Variants in RERE observed in about 807,000 individuals in gnomAD.
The protein encoded by RERE is arginine-glutamic acid dipeptide repeats, also known as arginine-glutamic acid dipeptide repeats protein.
In RERE, 40 loss-of-function variants were observed where a neutral mutation model predicts 146.1. The ratio of observed to expected loss-of-function variants is 0.27; its 90% CI spans 0.21 to 0.36. The LOEUF is 0.36. Ranked by LOEUF, RERE falls within the 10% of genes least tolerant of loss-of-function variation. The pLI is 1.00. For synonymous variants in RERE, 1,003 were observed against 866.0 expected (o/e 1.16, Z -2.78); for missense variants, 1,933 against 2,138.7 (o/e 0.90, Z 1.90).
At chr1:8,679,409 TATC>T (rs903572893) in intron 1 of RERE, among the ~76,000 whole-genome samples, 1 of 152,224 alleles carries the variant, frequency 6.6e-6, no homozygotes, top group African/African-American at 2.4e-5. Flanking sequence ...TACCTTTATC[TATC>T]ATAGTCACAT....
At chr1:8,735,029 T>C (rs1425912960) in intron 1 of RERE, among the ~76,000 whole-genome samples, 1 of 152,238 alleles carries the variant, frequency 6.6e-6, no homozygotes, top group Admixed American at 6.5e-5. Flanking sequence ...ATACTTATTG[T>C]GTCAAGTACT....
chr1:8,665,810 T>C (rs1638558608), intron 1 of RERE, among the ~76,000 whole-genome samples: 1 of 152,092 alleles, frequency 6.6e-6, no homozygotes, highest in Admixed American at 6.5e-5. Context: ...AAGGTGACAA[T>C]GTAATTTATG....
intron 11 of RERE, chr1:8,424,877 G>C (rs1290732873): frequency 6.5e-6 from 1 of 152,696 alleles, no homozygotes; most frequent in Non-Finnish European, 1.5e-5. Flanking sequence ...AAGTCAGCCA[G>C]GAAAAGGCAC....
At chr1:8,421,175 G>C (rs901683831) in intron 12 of RERE, among the ~76,000 whole-genome samples, 1 of 152,220 alleles carries the variant, frequency 6.6e-6, no homozygotes, top group East Asian at 1.9e-4. Flanking sequence ...ACTTTTAGCA[G>C]AGCAGAGACA....
At chr1:8,420,726 G>C (rs1643898995) in intron 12 of RERE, among the ~76,000 whole-genome samples, 1 of 152,164 alleles carries the variant, frequency 6.6e-6, no homozygotes, top group African/African-American at 2.4e-5. Flanking sequence ...TTGGAAATAG[G>C]AAAACTGCTG....
chr1:8,460,313 G>A (rs1644510081), intron 11 of RERE, among the ~76,000 whole-genome samples: 1 of 152,194 alleles, frequency 6.6e-6, no homozygotes, highest in Non-Finnish European at 1.5e-5. Flanking sequence ...GCTGGGGAAA[G>A]ACACCCTGCA....
At chr1:8,615,836 T>C (rs1211651910) in intron 3 of RERE, among the ~76,000 whole-genome samples, 1 of 152,108 alleles carries the variant, frequency 6.6e-6, no homozygotes, top group Non-Finnish European at 1.5e-5. Context: ...AATAAGCTAA[T>C]GTTCAGAATG....
chr1:8,472,351 G>A (rs145945765), intron 10 of RERE, among the ~76,000 whole-genome samples: 4 of 152,196 alleles, frequency 2.6e-5, no homozygotes, highest in Non-Finnish European at 5.9e-5. Context: ...ACCTGATCAC[G>A]ACCACACAGC....
At chr1:8,439,544 A>G (rs1644217905) in intron 11 of RERE, among the ~76,000 whole-genome samples, 1 of 152,234 alleles carries the variant, frequency 6.6e-6, no homozygotes, top group African/African-American at 2.4e-5. Context: ...ACTTAGTAAT[A>G]AAACCAAGAA....
At chr1:8,626,249 A>G (rs968729698) in intron 2 of RERE, among the ~76,000 whole-genome samples, 4 of 152,204 alleles carry the variant, frequency 2.6e-5, no homozygotes, top group Admixed American at 1.3e-4. Flanking sequence ...GGAACAACCC[A>G]AAGTTCTTAG....
chr1:8,478,069 A>C (rs906033075), intron 10 of RERE, among the ~76,000 whole-genome samples: 1 of 152,248 alleles, frequency 6.6e-6, no homozygotes, highest in African/African-American at 2.4e-5. Flanking sequence ...AGCTTTAGAC[A>C]CTTAGTTACC....
chr1:8,441,015 T>TG (rs1236188339), intron 11 of RERE, among the ~76,000 whole-genome samples: 14 of 47,928 alleles, frequency 2.9e-4, no homozygotes, highest in African/African-American at 1.1e-3. Flanking sequence ...TTCGGGGGGG[T>TG]GGGGGGGCTG....
intron 1 of RERE, among the ~76,000 whole-genome samples, chr1:8,724,038 C>A (rs935513359): frequency 6.6e-6 from 1 of 152,160 alleles, no homozygotes; most frequent in Non-Finnish European, 1.5e-5. Context: ...CATAGCCCTT[C>A]TCAATTTTCT....
intron 1 of RERE, among the ~76,000 whole-genome samples, chr1:8,814,678 T>A (rs1641877226): frequency 6.6e-6 from 1 of 152,232 alleles, no homozygotes; most frequent in Middle Eastern, 3.4e-3. Context: ...TTCCATAGAG[T>A]AGGTTTATTT....
intron 12 of RERE, among the ~76,000 whole-genome samples, chr1:8,417,977 C>A (rs1452261781): frequency 6.6e-6 from 1 of 152,200 alleles, no homozygotes; most frequent in Non-Finnish European, 1.5e-5. Context: ...AAGCCCAGTT[C>A]AAACACCGCC....
chr1:8,535,718 T>C (rs939568768), intron 7 of RERE, among the ~76,000 whole-genome samples: 6 of 151,698 alleles, frequency 4.0e-5, no homozygotes, highest in Admixed American at 3.3e-4. Context: ...GATAGTAACA[T>C]ATAAGCCTCA....
At chr1:8,812,961 A>T (rs1275963092) in intron 1 of RERE, among the ~76,000 whole-genome samples, 1 of 152,172 alleles carries the variant, frequency 6.6e-6, no homozygotes, top group East Asian at 1.9e-4. Flanking sequence ...AAACACACAC[A>T]CACACAAACT....
chr1:8,677,564 GAATA>G (rs1638872572), intron 1 of RERE, among the ~76,000 whole-genome samples: 2 of 151,082 alleles, frequency 1.3e-5, no homozygotes, highest in African/African-American at 4.9e-5. Flanking sequence ...TCTAACATAA[GAATA>G]ACGTAAAAAC....
chr1:8,380,734 G>C, intron 12 of RERE: 1 of 403,906 alleles, frequency 2.5e-6, no homozygotes, highest in Non-Finnish European at 4.9e-6. Flanking sequence ...CAGCAATGAA[G>C]GAGAACAGAA....
Sources: allele counts gnomAD v4.1 joint callset (sites outside exome capture counted in the v4.1 genomes callset), GRCh38; gene constraint gnomAD v4.1.1; transcripts MANE v1.5; gene names NCBI Gene and HGNC (gene_info 2026-07-23, HGNC 2026-07-21).